EIPR1: variants seen among roughly 807,000 people sequenced by gnomAD.
The protein encoded by EIPR1 is EARP and GARP complex-interacting protein 1.
Under a neutral mutation model 48.1 loss-of-function variants are expected in EIPR1, and 25 were observed. That is an observed-to-expected ratio of 0.52 (90% CI 0.38 to 0.73). The LOEUF (loss-of-function observed/expected upper bound fraction) is 0.73. EIPR1 is among the 30% of genes least tolerant of loss of function. EIPR1 has a pLI of 0.00. For synonymous variants in EIPR1, 204 were observed against 201.9 expected (o/e 1.01, Z -0.09); for missense variants, 415 against 506.2 (o/e 0.82, Z 1.73).
At chr2:3,319,313 G>A in intron 3 of EIPR1, 1 of 230,046 alleles carries the variant, frequency 4.3e-6, no homozygotes, top group African/African-American at 2.2e-5. Flanking sequence ...GGCCCGGCAG[G>A]TCATTGCAAC....
chr2:3,222,843 T>C (rs1431429646), intron 4 of EIPR1, among the ~76,000 whole-genome samples: 3 of 152,200 alleles, frequency 2.0e-5, no homozygotes, highest in African/African-American at 7.2e-5. Flanking sequence ...GGAAACCAAC[T>C]ACACAAACAG....
intron 3 of EIPR1, among the ~76,000 whole-genome samples, chr2:3,260,011 ACAAG>A (rs1409234249): frequency 6.6e-6 from 1 of 152,252 alleles, no homozygotes; most frequent in African/African-American, 2.4e-5. Context: ...CAGCCTTGGG[ACAAG>A]CAAAGATTCC....
chr2:3,375,971 T>A (rs1368871789), intron 1 of EIPR1, among the ~76,000 whole-genome samples: 1 of 152,190 alleles, frequency 6.6e-6, no homozygotes, highest in Non-Finnish European at 1.5e-5. Flanking sequence ...GTATAAAATT[T>A]ATTTGTAAGA....
chr2:3,364,420 A>G (rs910164862), intron 1 of EIPR1, among the ~76,000 whole-genome samples: 1 of 152,162 alleles, frequency 6.6e-6, no homozygotes, highest in African/African-American at 2.4e-5. Context: ...GCTTGAGCTC[A>G]GGAGTTTGAG....
At chr2:3,337,943 C>T (rs1207903652) in intron 3 of EIPR1, 74 bp downstream of exon 3, 2 of 1,493,356 alleles carry the variant, frequency 1.3e-6, no homozygotes, top group African/African-American at 2.8e-5. Flanking sequence ...GACCCATTAG[C>T]AATACAAAAC....
chr2:3,212,786 A>G (rs1056134321), intron 5 of EIPR1, among the ~76,000 whole-genome samples: 3 of 152,196 alleles, frequency 2.0e-5, no homozygotes, highest in African/African-American at 7.2e-5. Flanking sequence ...TGAAACTTGC[A>G]TTCTACTCCA....
At chr2:3,275,307 A>T (rs1667815647) in intron 3 of EIPR1, among the ~76,000 whole-genome samples, 1 of 152,204 alleles carries the variant, frequency 6.6e-6, no homozygotes, top group Non-Finnish European at 1.5e-5. Flanking sequence ...CCACTGAACA[A>T]TACAAAGGTT....
intron 3 of EIPR1, among the ~76,000 whole-genome samples, chr2:3,276,748 G>A (rs186089567): frequency 9.6e-4 from 147 of 152,356 alleles, no homozygotes; most frequent in Non-Finnish European, 1.5e-3. Flanking sequence ...ATTTACCAGC[G>A]GATGGCGTTT....
chr2:3,361,429 T>C (rs1224141551), intron 1 of EIPR1, among the ~76,000 whole-genome samples: 3 of 152,034 alleles, frequency 2.0e-5, no homozygotes, highest in Admixed American at 6.5e-5. Context: ...CCTCTCTCTC[T>C]TCTCTGGCTT....
chr2:3,250,264 A>G (rs1331078051), intron 4 of EIPR1, among the ~76,000 whole-genome samples: 6 of 152,178 alleles, frequency 3.9e-5, no homozygotes, highest in African/African-American at 1.2e-4. Flanking sequence ...TCCTCACACC[A>G]GTGTGCCCTG....
intron 5 of EIPR1, chr2:3,208,798 G>T: frequency 6.5e-7 from 1 of 1,548,820 alleles, no homozygotes; most frequent in Non-Finnish European, 8.7e-7. Flanking sequence ...CTCGTGGCAG[G>T]TCCTCCTTCT....
chr2:3,353,397 C>A, intron 2 of EIPR1: 1 of 440,552 alleles, frequency 2.3e-6, no homozygotes, highest in Non-Finnish European at 4.7e-6. Context: ...ATTTTAACAT[C>A]CCACCAAATC....
intron 3 of EIPR1, among the ~76,000 whole-genome samples, chr2:3,262,443 C>G (rs12621297): frequency 0.057 from 8,723 of 152,298 alleles, 266 homozygotes; most frequent in Non-Finnish European, 0.063. Flanking sequence ...GCAGAAAAGA[C>G]GCTGTAATGC....
chr2:3,370,290 A>C (rs925040691), intron 1 of EIPR1, among the ~76,000 whole-genome samples: 6 of 152,226 alleles, frequency 3.9e-5, no homozygotes, highest in Non-Finnish European at 7.3e-5. Context: ...GATGGGGAAA[A>C]AACAGAGCAG....
intron 5 of EIPR1, among the ~76,000 whole-genome samples, chr2:3,207,086 G>A (rs1022187910): frequency 6.6e-6 from 1 of 152,102 alleles, no homozygotes; most frequent in Non-Finnish European, 1.5e-5. Flanking sequence ...TTCACCCACG[G>A]CCCAGTGTTG....
chr2:3,352,744 C>T (rs914864248), intron 2 of EIPR1, among the ~76,000 whole-genome samples: 1 of 152,228 alleles, frequency 6.6e-6, no homozygotes, highest in African/African-American at 2.4e-5. Flanking sequence ...CGCCTGTAAT[C>T]CCAACACTTT....
At chr2:3,245,587 A>C (rs1666772077) in intron 4 of EIPR1, among the ~76,000 whole-genome samples, 1 of 152,228 alleles carries the variant, frequency 6.6e-6, no homozygotes, top group Non-Finnish European at 1.5e-5. Context: ...TAATAACACA[A>C]GTTGTTCTTT....
At chr2:3,247,795 C>G (rs931260189) in intron 4 of EIPR1, among the ~76,000 whole-genome samples, 1 of 152,084 alleles carries the variant, frequency 6.6e-6, no homozygotes, top group African/African-American at 2.4e-5. Flanking sequence ...TAAAAGGTGT[C>G]CTAAAGAAAC....
intron 4 of EIPR1, among the ~76,000 whole-genome samples, chr2:3,255,823 G>A (rs1667137636): frequency 9.9e-5 from 1 of 10,084 alleles, no homozygotes; most frequent in Non-Finnish European, 7.8e-4. Context: ...ACACAAATGT[G>A]CACACATACG....
Sources: allele counts gnomAD v4.1 joint callset (sites outside exome capture counted in the v4.1 genomes callset), GRCh38; gene constraint gnomAD v4.1.1; transcripts MANE v1.5; gene names NCBI Gene and HGNC (gene_info 2026-07-23, HGNC 2026-07-21).